The following SYNE2 variants were observed in gnomAD, a reference collection of about 807,000 sequenced individuals.
SYNE2 encodes spectrin repeat containing nuclear envelope protein 2, also known as nesprin-2.
A neutral mutation model predicts 856.3 loss-of-function variants in SYNE2; 431 were observed. The ratio of observed to expected loss-of-function variants is 0.50; its 90% confidence interval spans 0.47 to 0.55. SYNE2 has a LOEUF of 0.55. Ranked by LOEUF, SYNE2 falls within the 20% of genes least tolerant of loss-of-function variation. The pLI is 0.00. For synonymous variants in SYNE2, 2,923 were observed against 2,872.3 expected (o/e 1.02, Z -0.56); for missense variants, 8,129 against 8,023.2 (o/e 1.01, Z -0.50).
At chr14:64,160,545 G>C (rs1013365162) in intron 87 of SYNE2, among the ~76,000 whole-genome samples, 2 of 152,172 alleles carry the variant, frequency 1.3e-5, no homozygotes, top group Non-Finnish European at 2.9e-5. Flanking sequence ...TATAATTAGG[G>C]AAAATCTTAT....
At chr14:64,007,474 A>G (rs1246347026) in intron 31 of SYNE2, among the ~76,000 whole-genome samples, 1 of 152,222 alleles carries the variant, frequency 6.6e-6, no homozygotes, top group Admixed American at 6.5e-5. Flanking sequence ...GCTCATTACC[A>G]TCCCAACTGG....
intron 8 of SYNE2, among the ~76,000 whole-genome samples, chr14:63,959,265 T>C (rs942931757): frequency 2.0e-5 from 3 of 150,400 alleles, no homozygotes; most frequent in Non-Finnish European, 4.4e-5. Flanking sequence ...CTTACAGCCA[T>C]ATTCTTTTTT....
At chr14:64,115,634 C>G (rs1224772649) in intron 66 of SYNE2, among the ~76,000 whole-genome samples, 1 of 152,168 alleles carries the variant, frequency 6.6e-6, no homozygotes, top group Non-Finnish European at 1.5e-5. Flanking sequence ...TTAAAGCCGT[C>G]AAATGTGTAA....
At chr14:63,960,389 G>T (rs1359373529) in intron 8 of SYNE2, among the ~76,000 whole-genome samples, 2 of 152,046 alleles carry the variant, frequency 1.3e-5, no homozygotes, top group Non-Finnish European at 2.9e-5. Context: ...TTGTTTATTT[G>T]TTTTTCTCCT....
intron 99 of SYNE2, chr14:64,191,001 C>T: frequency 1.4e-6 from 1 of 702,290 alleles, no homozygotes; most frequent in Non-Finnish European, 2.6e-6. Context: ...TGCAGCTGTG[C>T]TTCCACTGGC....
intron 34 of SYNE2, 133 bp downstream of exon 34, chr14:64,017,889 A>T: frequency 1.1e-6 from 1 of 896,280 alleles, no homozygotes; most frequent in South Asian, 1.5e-5. Flanking sequence ...ACATTTTTGG[A>T]TCATTATTCA....
intron 52 of SYNE2, among the ~76,000 whole-genome samples, chr14:64,071,237 G>A (rs2097404098): frequency 6.6e-6 from 1 of 152,152 alleles, no homozygotes; most frequent in Non-Finnish European, 1.5e-5. Context: ...GCTCACTCCT[G>A]TAATCCCAGC....
intron 1 of SYNE2, among the ~76,000 whole-genome samples, chr14:63,776,445 A>G (rs1887108994): frequency 1.3e-5 from 2 of 152,148 alleles, no homozygotes; most frequent in African/African-American, 2.4e-5. Context: ...ATTTATGTCA[A>G]AAATAGTAAG....
intron 110 of SYNE2, among the ~76,000 whole-genome samples, chr14:64,219,980 A>C (rs929859868): frequency 6.6e-6 from 1 of 152,250 alleles, no homozygotes; most frequent in Non-Finnish European, 1.5e-5. Flanking sequence ...CAGTAGCCTG[A>C]GACCCAGGGC....
intron 99 of SYNE2, among the ~76,000 whole-genome samples, chr14:64,192,064 C>A (rs1235447674): frequency 6.6e-6 from 1 of 152,176 alleles, no homozygotes; most frequent in African/African-American, 2.4e-5. Flanking sequence ...CATGAGAAGA[C>A]TCTTAGGTCG....
chr14:63,957,300 G>A (rs958848763), intron 8 of SYNE2, among the ~76,000 whole-genome samples: 73 of 129,040 alleles, frequency 5.7e-4, no homozygotes, highest in South Asian at 1.0e-3. Flanking sequence ...ACAGGGTCTC[G>A]CTCAGTCTCC....
chr14:63,991,503 A>G (rs1249791987), intron 21 of SYNE2, among the ~76,000 whole-genome samples: 2 of 152,212 alleles, frequency 1.3e-5, no homozygotes, highest in Admixed American at 1.3e-4. Flanking sequence ...CTTTGCATAC[A>G]TTCTCTGAAT....
At chr14:64,006,145 G>A (rs750590438) in intron 30 of SYNE2, among the ~76,000 whole-genome samples, 9 of 152,216 alleles carry the variant, frequency 5.9e-5, no homozygotes, top group Non-Finnish European at 1.0e-4. Context: ...GAGAAAATTG[G>A]AGGCTAGGAA....
Position 64,226,204 on chromosome 14 carries a change from T to A in SYNE2, c.*678T>A, listed in dbSNP as rs2098717606. ...ATTTTTTTTTAAAAAAATTAGATTT[T>A]AGCTGGAGCTTTTGACTAATGTAAA... On this transcript the variant is annotated 3_prime_UTR_variant, in exon 116 of 116. Transcript: ENST00000555002. The A allele has an allele frequency of 2.0e-5, 3 of 152,922 alleles. No individual in the cohort carries two copies. The highest frequency in any genetic ancestry group is 4.1e-4 in the South Asian group (2 of 4,832). 9.5% of individuals were successfully genotyped at this position (152,922 alleles called of 1,614,324 possible).
At chr14:64,185,978 G>C (rs1206759882) in intron 96 of SYNE2, among the ~76,000 whole-genome samples, 5 of 152,096 alleles carry the variant, frequency 3.3e-5, no homozygotes, top group Admixed American at 6.5e-5. Flanking sequence ...AGTTGTTGCT[G>C]TTACGTGATT....
chr14:63,896,575 A>C (rs970910671), intron 1 of SYNE2, among the ~76,000 whole-genome samples: 6 of 152,166 alleles, frequency 3.9e-5, no homozygotes, highest in Non-Finnish European at 8.8e-5. Flanking sequence ...GAAAGTCTGA[A>C]TGTTGGCCTG....
chr14:63,912,770 A>G (rs894554437), intron 2 of SYNE2, among the ~76,000 whole-genome samples: 1 of 152,274 alleles, frequency 6.6e-6, no homozygotes, highest in African/African-American at 2.4e-5. Context: ...ATGAAAGCAT[A>G]TAGCCCGTAT....
chr14:64,167,399 C>T lies in SYNE2; in HGVS notation c.16760+12C>T, dbSNP rs1269780296. 1.9e-6 allele frequency: 3 copies of T among 1,614,074 alleles called. No homozygotes were observed. The highest frequency in any genetic ancestry group is 2.5e-6 in the Non-Finnish European group (3 of 1,180,058). Reference sequence around the variant, plus strand: ...CTGGAGCGCTGCAGGTTAGAACATCCCTTCTCTGTCGTTGTTTCAATTAAG... The same window carrying T: ...CTGGAGCGCTGCAGGTTAGAACATCTCTTCTCTGTCGTTGTTTCAATTAAG... On this transcript the variant is annotated intron_variant, in intron 91 of 115. Transcript: ENST00000555002.
rs187041541 is a variant in SYNE2, at chr14:63,769,662, C to T, written c.-305+7676C>T. ...CCAGCCTGGGCAACAGAGCGAGACT[C>T]CATCTCAAAAAAAAAAAAAAAGACT... On this transcript the variant is annotated intron_variant, in intron 1 of 23. Transcript: ENST00000674003. 1.6e-3 allele frequency among the ~76,000 whole-genome samples: 171 copies of T among 104,018 alleles called. 2 individuals are homozygous for T. The East Asian group carries it at 0.037, about 22-fold the overall frequency. 68.2% of individuals were successfully genotyped at this position (104,018 alleles called of 152,430 possible).
Sources: gnomAD v4.1 joint callset for allele counts (sites outside exome capture counted in the v4.1 genomes callset) on GRCh38, gnomAD v4.1.1 for gene constraint, MANE v1.5 for transcripts, NCBI Gene and HGNC (gene_info 2026-07-23, HGNC 2026-07-21) for gene names.